Variants in ACO1 observed in about 807,000 individuals in gnomAD.
The protein encoded by ACO1 is aconitase 1, also known as cytoplasmic aconitate hydratase.
ACO1 carries 78 observed loss-of-function variants against 105.1 expected under a neutral mutation model. The observed-to-expected ratio is 0.74, with a 90% CI of 0.62 to 0.90. ACO1 has a LOEUF of 0.90. Ranked by LOEUF, ACO1 falls within the 40% of genes least tolerant of loss-of-function variation. The probability of loss-of-function intolerance (pLI) is 0.00; values close to 1 mark genes in which losing one functional copy is unlikely to be tolerated. For missense variants in ACO1, 965 were observed against 1,111.1 expected, an observed-to-expected ratio of 0.87 and a Z score of 1.87; for synonymous variants, 364 against 397.4, an observed-to-expected ratio of 0.92 and a Z score of 1.00.
At chr9:32,389,382 A>C (rs1277295226) in intron 1 of ACO1, among the ~76,000 whole-genome samples, 1 of 152,096 alleles carries the variant, frequency 6.6e-6, no homozygotes, top group Admixed American at 6.5e-5. Context: ...ACCAAAATCA[A>C]CCCCTACAGT....
chr9:32,451,716 A>G lies in ACO1; in HGVS notation c.*1605A>G, dbSNP rs551142358. ...GAGGGATCAAGACAGGTTATTTAGC[A>G]TCCCTGCACTTGCGGTCCTGGGGAT... On this transcript the variant is annotated 3_prime_UTR_variant, in exon 21 of 21. Coordinates refer to ENST00000309951, the MANE Select transcript of ACO1 (RefSeq NM_002197.3). 7.2e-5 allele frequency: 11 copies of G among 152,224 alleles called. No individual in the cohort carries two copies. The highest frequency in any genetic ancestry group is 1.6e-4 in the Non-Finnish European group (11 of 68,046). The allele number at this position is 152,224 out of a possible 1,614,324, so 9.4% of individuals were successfully genotyped here. A position where few individuals can be genotyped will look rare whatever the true frequency, so the allele number is the denominator to read the frequency against.
chr9:32,446,211 A>C (rs1019275303), intron 19 of ACO1, among the ~76,000 whole-genome samples: 1 of 152,148 alleles, frequency 6.6e-6, no homozygotes, highest in Non-Finnish European at 1.5e-5. Context: ...TGGGGTGTTA[A>C]AGTCTCCCAC....
rs147448075 is a variant in ACO1 at position 32,441,167 on chromosome 9, A to G, written c.2370+580A>G. Among the ~76,000 whole-genome samples the G allele has an allele frequency of 5.1e-3, 782 of 152,046 alleles. 7 individuals carry two copies. Among genetic ancestry groups the G allele is most frequent in the African/African-American group, 0.018 (738 of 41,454 alleles). ...CTTATGGGCTCTCGATGAGAGTGAA[A>G]CTCACTCTGCACATACCCAGGCAGC... On this transcript the variant is annotated intron_variant, in intron 19 of 20. Coordinates refer to ENST00000309951, the MANE Select transcript of ACO1 (RefSeq NM_002197.3).
intron 19 of ACO1, among the ~76,000 whole-genome samples, chr9:32,442,846 G>A (rs1822512515): frequency 6.6e-6 from 1 of 152,132 alleles, no homozygotes; most frequent in Non-Finnish European, 1.5e-5. Flanking sequence ...CTGGGTAAAG[G>A]GGGACAATAA....
At chr9:32,405,041 T>C (rs566968716) in intron 1 of ACO1, among the ~76,000 whole-genome samples, 3 of 152,344 alleles carry the variant, frequency 2.0e-5, no homozygotes, top group East Asian at 1.9e-4. Flanking sequence ...GGAAGTTGAT[T>C]GGGCCAGATT....
chr9:32,418,551 T>G (rs1218590290), intron 6 of ACO1, 40 bp downstream of exon 6: 3 of 1,560,634 alleles, frequency 1.9e-6, no homozygotes, highest in Non-Finnish European at 2.6e-6. Context: ...GGGCATGCAC[T>G]TTAATTCACT....
intron 4 of ACO1, among the ~76,000 whole-genome samples, chr9:32,410,326 AG>A (rs1821708248): frequency 6.6e-6 from 1 of 152,156 alleles, no homozygotes; most frequent in African/African-American, 2.4e-5. Flanking sequence ...TGGGAGGCTG[AG>A]GTGGGCGGAT....
At chr9:32,395,641 T>C (rs1348178162) in intron 1 of ACO1, among the ~76,000 whole-genome samples, 1 of 152,144 alleles carries the variant, frequency 6.6e-6, no homozygotes, top group East Asian at 1.9e-4. Context: ...GAGGATGAGG[T>C]CAGGCTCAGG....
At chr9:32,409,566 G>A (rs1315699235) in intron 4 of ACO1, among the ~76,000 whole-genome samples, 1 of 152,090 alleles carries the variant, frequency 6.6e-6, no homozygotes, top group Non-Finnish European at 1.5e-5. Context: ...AAATGTCTTC[G>A]TTGGCCACGT....
chr9:32,392,072 A>G (rs1217426910), intron 1 of ACO1, among the ~76,000 whole-genome samples: 2 of 152,216 alleles, frequency 1.3e-5, no homozygotes, highest in African/African-American at 2.4e-5. Flanking sequence ...TGTTTTAGGG[A>G]ACATGAGGTT....
intron 1 of ACO1, among the ~76,000 whole-genome samples, chr9:32,400,839 A>G (rs1166064665): frequency 1.3e-5 from 2 of 152,140 alleles, no homozygotes; most frequent in Admixed American, 1.3e-4. Context: ...CCTTTATACA[A>G]TGTGTTATTC....
chr9:32,443,555 TAATTAAAC>T (rs1822528623), intron 19 of ACO1, among the ~76,000 whole-genome samples: 1 of 152,224 alleles, frequency 6.6e-6, no homozygotes, highest in Non-Finnish European at 1.5e-5. Flanking sequence ...CAGCATCAGA[TAATTAAAC>T]AATTCTTTGG....
chr9:32,415,388 A>G (rs1435180410), intron 4 of ACO1, among the ~76,000 whole-genome samples: 2 of 152,160 alleles, frequency 1.3e-5, no homozygotes, highest in African/African-American at 4.8e-5. Context: ...CTTGATAGCT[A>G]TAGGTACTAA....
intron 19 of ACO1, chr9:32,445,776 C>G (rs1822590902): frequency 5.8e-6 from 1 of 171,406 alleles, no homozygotes; most frequent in Non-Finnish European, 1.3e-5. Flanking sequence ...CCTCTACACA[C>G]TGCTTTAAGT....
In ACO1 at chr9:32,430,514, T is replaced by G. The variant is rs755397936; in HGVS notation, c.1666T>G (p.Leu556Val). The G allele has an allele frequency of 6.2e-7, 1 of 1,611,306 alleles. No individual in the cohort carries two copies. Among genetic ancestry groups the G allele is most frequent in the Non-Finnish European group, 8.5e-7 (1 of 1,179,036 alleles). The part of the protein sequence containing the change: ...TRANYLASPP[L>V]VIAYAIAGTI... ...GGCCAACTATTTAGCCTCTCCCCCC[T>G]TAGTAATAGCATATGCAATTGCTGG... is the stretch of plus-strand genomic sequence containing the variant. The change falls in exon 14 of 21, where the codon TTA (leucine) becomes GTA (valine). Residue 556 changes from leucine to valine, a missense_variant. Coordinates refer to ENST00000309951, the MANE Select transcript of ACO1 (RefSeq NM_002197.3).
chr9:32,392,087 A>G (rs1821278798), intron 1 of ACO1, among the ~76,000 whole-genome samples: 1 of 152,242 alleles, frequency 6.6e-6, no homozygotes, highest in African/African-American at 2.4e-5. Flanking sequence ...GAGGTTTACC[A>G]TCTCGTCCCC....
chr9:32,447,310 TG>T (rs1286964299), intron 19 of ACO1, among the ~76,000 whole-genome samples: 1 of 152,218 alleles, frequency 6.6e-6, no homozygotes, highest in Non-Finnish European at 1.5e-5. Context: ...TTTATTTCAT[TG>T]AGTTGATCTT....
At chr9:32,436,903 T>C (rs567681282) in intron 18 of ACO1, among the ~76,000 whole-genome samples, 1 of 152,298 alleles carries the variant, frequency 6.6e-6, no homozygotes, top group Non-Finnish European at 1.5e-5. Context: ...TTTCCATCTC[T>C]GAGCCTTGCT....
Position 32,452,550 on chromosome 9 carries a change from T to G in ACO1, c.*2439T>G, listed in dbSNP as rs1440471653. The G allele has an allele frequency of 6.6e-6, 1 of 152,216 alleles. No homozygotes were observed. Among genetic ancestry groups the G allele is most frequent in the African/African-American group, 2.4e-5 (1 of 41,444 alleles). 9.4% of individuals were successfully genotyped at this position (152,216 alleles called of 1,614,324 possible). ...TTTCTATTGTTTATAAGCCACCCAG[T>G]TGATATTTAGTTACAGCAGCCCAAC... is the stretch of plus-strand genomic sequence containing the variant. On this transcript the variant is annotated 3_prime_UTR_variant, in exon 21 of 21. Transcript: ENST00000309951.
Sources: gnomAD v4.1 joint callset for allele counts (sites outside exome capture counted in the v4.1 genomes callset) on GRCh38, gnomAD v4.1.1 for gene constraint, MANE v1.5 for transcripts, NCBI Gene and HGNC (gene_info 2026-07-23, HGNC 2026-07-21) for gene names.